SOX6: variants seen among roughly 807,000 people sequenced by gnomAD.
SOX6 encodes transcription factor SOX-6.
A neutral mutation model predicts 97.8 loss-of-function variants in SOX6; 11 were observed. The observed-to-expected ratio is 0.11, with a 90% CI of 0.07 to 0.19. SOX6 has a LOEUF of 0.19. Among genes scored for constraint, SOX6 ranks in the 10% least tolerant of loss-of-function variants. The pLI is 1.00. For synonymous variants in SOX6, 360 were observed against 371.4 expected (o/e 0.97, Z 0.35); for missense variants, 810 against 1,039.5 (o/e 0.78, Z 3.04).
intron 13 of SOX6, among the ~76,000 whole-genome samples, chr11:16,007,547 A>G (rs928522501): frequency 1.1e-4 from 16 of 152,088 alleles, no homozygotes; most frequent in African/African-American, 3.6e-4. Context: ...AGAAAAGGAA[A>G]CGGCCAATTG....
chr11:16,004,158 A>C (rs939847464), intron 13 of SOX6, among the ~76,000 whole-genome samples: 3 of 151,956 alleles, frequency 2.0e-5, no homozygotes, highest in Non-Finnish European at 4.4e-5. Context: ...TGAATTAGAG[A>C]ACTCTAACAG....
chr11:16,231,827 A>C (rs936989214), intron 4 of SOX6, among the ~76,000 whole-genome samples: 3 of 151,798 alleles, frequency 2.0e-5, no homozygotes, highest in African/African-American at 7.2e-5. Context: ...AAGATAACTC[A>C]ATCTCAGGAA....
At chr11:16,655,856 C>T (rs1847712838) in intron 3 of SOX6, among the ~76,000 whole-genome samples, 2 of 151,970 alleles carry the variant, frequency 1.3e-5, no homozygotes, top group African/African-American at 4.8e-5. Flanking sequence ...TGGCATACAC[C>T]TACTTGAGAG....
intron 4 of SOX6, among the ~76,000 whole-genome samples, chr11:16,523,945 T>A (rs1861113723): frequency 6.6e-6 from 1 of 152,200 alleles, no homozygotes; most frequent in African/African-American, 2.4e-5. Flanking sequence ...AGAAGTTGAA[T>A]CTTTGAATAG....
intron 1 of SOX6, among the ~76,000 whole-genome samples, chr11:16,380,903 C>T (rs2134408995): frequency 6.6e-6 from 1 of 152,148 alleles, no homozygotes; most frequent in East Asian, 1.9e-4. Flanking sequence ...AATTAATTGG[C>T]AGTGTGGCAT....
chr11:16,306,567 A>C (rs1262797231), intron 3 of SOX6, among the ~76,000 whole-genome samples: 1 of 151,868 alleles, frequency 6.6e-6, no homozygotes, highest in African/African-American at 2.4e-5. Flanking sequence ...GTGCTGACTC[A>C]ACAGATAAAA....
rs561034482 is a variant in SOX6 at position 15,988,258 on chromosome 11, G to A, written c.1966+739C>T. Among the ~76,000 whole-genome samples, 30 of 152,220 alleles carry A rather than the reference G, an allele frequency of 2.0e-4. No individual in the cohort carries two copies. In the South Asian group the frequency reaches 5.2e-3, roughly 26 times the overall value. On this transcript the variant is annotated intron_variant, in intron 14 of 15. Transcript: ENST00000683767. ...GAATAAAATATGTTTAACATGTTGA[G>A]CACAATAATTCCAAGCTGTACAATC...
chr11:16,288,461 GA>G (rs1854815207), intron 3 of SOX6, among the ~76,000 whole-genome samples: 1 of 151,950 alleles, frequency 6.6e-6, no homozygotes, highest in Non-Finnish European at 1.5e-5. Flanking sequence ...CTAAATATGA[GA>G]AAAAGCAGTA....
chr11:16,413,648 G>C (rs1455115074), intron 1 of SOX6, among the ~76,000 whole-genome samples: 1 of 149,600 alleles, frequency 6.7e-6, no homozygotes, highest in Non-Finnish European at 1.5e-5. Context: ...AGCCTCCCAA[G>C]TAGCTGGGAT....
intron 1 of SOX6, among the ~76,000 whole-genome samples, chr11:16,343,864 C>A (rs1200221586): frequency 6.6e-6 from 1 of 151,792 alleles, no homozygotes; most frequent in Non-Finnish European, 1.5e-5. Context: ...TATTTTGCAT[C>A]TACAAATACA....
intron 1 of SOX6, among the ~76,000 whole-genome samples, chr11:16,351,969 C>T (rs1380262981): frequency 6.6e-6 from 1 of 152,008 alleles, no homozygotes; most frequent in Non-Finnish European, 1.5e-5. Flanking sequence ...TGAAAAGAAA[C>T]ACTCAGTAAA....
intron 3 of SOX6, among the ~76,000 whole-genome samples, chr11:16,620,366 ATATGAG>A (rs1848528190): frequency 6.6e-6 from 1 of 152,352 alleles, no homozygotes; most frequent in South Asian, 2.1e-4. Context: ...TGGTTTTTTC[ATATGAG>A]TATATGTTAT....
chr11:16,424,236 C>T (rs1004150572), intron 1 of SOX6, among the ~76,000 whole-genome samples: 3 of 152,106 alleles, frequency 2.0e-5, no homozygotes, highest in African/African-American at 7.2e-5. Flanking sequence ...TTACCAAAGT[C>T]GAGGAAAACT....
intron 3 of SOX6, among the ~76,000 whole-genome samples, chr11:16,256,395 C>T (rs1195059892): frequency 6.6e-6 from 1 of 151,826 alleles, no homozygotes; most frequent in African/African-American, 2.4e-5. Flanking sequence ...GGCTGGCTCA[C>T]CACTCAAAAA....
intron 6 of SOX6, among the ~76,000 whole-genome samples, chr11:16,170,134 A>G (rs1850995942): frequency 6.6e-6 from 1 of 152,070 alleles, no homozygotes; most frequent in South Asian, 2.1e-4. Context: ...TTAAGCCCTC[A>G]TTTAACAGAG....
chr11:16,538,346 A>C (rs974662359), intron 4 of SOX6, among the ~76,000 whole-genome samples: 1 of 152,248 alleles, frequency 6.6e-6, no homozygotes, highest in African/African-American at 2.4e-5. Context: ...GGAAAGGAAC[A>C]ACCAGTAACA....
At chr11:16,263,195 C>T (rs1048128862) in intron 3 of SOX6, among the ~76,000 whole-genome samples, 6 of 151,842 alleles carry the variant, frequency 4.0e-5, no homozygotes, top group Non-Finnish European at 7.4e-5. Flanking sequence ...GAACTCTAAA[C>T]TTAAAAGAGA....
chr11:16,012,900 TA>T (rs1854775532), intron 13 of SOX6, among the ~76,000 whole-genome samples: 5 of 152,036 alleles, frequency 3.3e-5, no homozygotes, highest in Admixed American at 3.3e-4. Flanking sequence ...AAAAGTTTTC[TA>T]AAAACAAAAC....
chr11:16,209,481 C>T (rs1852161511), intron 4 of SOX6, among the ~76,000 whole-genome samples: 1 of 152,110 alleles, frequency 6.6e-6, no homozygotes, highest in Non-Finnish European at 1.5e-5. Flanking sequence ...CTGGGCCCGG[C>T]AGGGTGGCTC....
Sources: gnomAD v4.1 joint callset for allele counts (sites outside exome capture counted in the v4.1 genomes callset) on GRCh38, gnomAD v4.1.1 for gene constraint, MANE v1.5 for transcripts, NCBI Gene and HGNC (gene_info 2026-07-23, HGNC 2026-07-21) for gene names.